Variants in DRC8 observed in about 807,000 individuals in gnomAD.
The protein encoded by DRC8 is dynein regulatory complex subunit 8.
the DRC8 span, among the ~76,000 whole-genome samples, chr1:245,047,087 C>T: frequency 6.6e-6 from 1 of 152,170 alleles, no homozygotes; most frequent in African/African-American, 2.4e-5. Context: ...TTTCATCAGC[C>T]TTCGTGAAGG....
chr1:245,083,664 C>G, the DRC8 span: 1 of 1,610,970 alleles, frequency 6.2e-7, no homozygotes, highest in Non-Finnish European at 8.5e-7. Context: ...TAAGGACGAG[C>G]TGATCAAGTA....
At chr1:245,015,189 T>G in the DRC8 span, among the ~76,000 whole-genome samples, 1 of 152,224 alleles carries the variant, frequency 6.6e-6, no homozygotes, top group African/African-American at 2.4e-5. Context: ...TGATCATGGC[T>G]CACTGCAGCC....
the DRC8 span, among the ~76,000 whole-genome samples, chr1:245,003,279 C>G: frequency 2.0e-5 from 3 of 152,180 alleles, no homozygotes; most frequent in Non-Finnish European, 4.4e-5. Flanking sequence ...CGAGTTCCCA[C>G]TTACAATACT....
At chr1:244,998,580 C>G in the DRC8 span, among the ~76,000 whole-genome samples, 2 of 152,100 alleles carry the variant, frequency 1.3e-5, no homozygotes, top group South Asian at 2.1e-4. Flanking sequence ...CCCCAATTGG[C>G]TTATCAGTCA....
At chr1:244,978,291 C>G in the DRC8 span, among the ~76,000 whole-genome samples, 1 of 152,052 alleles carries the variant, frequency 6.6e-6, no homozygotes, top group Admixed American at 6.6e-5. Context: ...GTTGGAAATT[C>G]AAGACCAGCC....
At chr1:245,009,530 C>T in the DRC8 span, among the ~76,000 whole-genome samples, 2,963 of 148,834 alleles carry the variant, frequency 0.02, 42 homozygotes, top group Middle Eastern at 0.049. Context: ...TGCGGTGGCA[C>T]GATCTCTGCT....
chr1:245,004,543 A>C, the DRC8 span, among the ~76,000 whole-genome samples: 1 of 152,062 alleles, frequency 6.6e-6, no homozygotes, highest in African/African-American at 2.4e-5. Flanking sequence ...ACACTCAGTG[A>C]ATTATATGTT....
chr1:244,970,329 G>A, the DRC8 span: 2 of 1,454,188 alleles, frequency 1.4e-6, no homozygotes. Flanking sequence ...CCTCCTCCAG[G>A]CCAGGCTCGC....
chr1:245,005,810 C>T, the DRC8 span, among the ~76,000 whole-genome samples: 8,302 of 152,004 alleles, frequency 0.055, 319 homozygotes, highest in Non-Finnish European at 0.081. Flanking sequence ...GGGTACTTAA[C>T]AAAAAAGAGA....
the DRC8 span, among the ~76,000 whole-genome samples, chr1:245,099,634 G>A: frequency 1.6e-4 from 25 of 152,342 alleles, no homozygotes; most frequent in East Asian, 4.0e-3. Flanking sequence ...ATTCTGCCCC[G>A]TTTGCAAGTG....
the DRC8 span, among the ~76,000 whole-genome samples, chr1:245,111,356 G>C: frequency 5.3e-5 from 8 of 152,174 alleles, no homozygotes; most frequent in Admixed American, 4.6e-4. Flanking sequence ...AGGGCAAAGT[G>C]TCTAGTTGTA....
At chr1:245,033,882 C>T in the DRC8 span, among the ~76,000 whole-genome samples, 19 of 151,904 alleles carry the variant, frequency 1.3e-4, no homozygotes, top group East Asian at 5.8e-4. Flanking sequence ...CCACCATGCC[C>T]GGCTAATTTT....
the DRC8 span, among the ~76,000 whole-genome samples, chr1:245,049,130 G>A: frequency 4.6e-5 from 7 of 152,150 alleles, no homozygotes; most frequent in African/African-American, 7.2e-5. This position sits in a 1 kb window ranked among gnomAD's most constrained non-coding sequence, Gnocchi z 4.5. Flanking sequence ...ACTTACAGGT[G>A]TGTACCACTA....
chr1:244,986,470 A>G, the DRC8 span, among the ~76,000 whole-genome samples: 1 of 152,208 alleles, frequency 6.6e-6, no homozygotes, highest in African/African-American at 2.4e-5. Context: ...GGCAGAGGCC[A>G]GGTCTTTGTG....
the DRC8 span, among the ~76,000 whole-genome samples, chr1:245,080,192 A>T: frequency 6.6e-6 from 1 of 152,172 alleles, no homozygotes; most frequent in African/African-American, 2.4e-5. Context: ...TCATCTGCTG[A>T]ATTGGGATCT....
the DRC8 span, among the ~76,000 whole-genome samples, chr1:245,089,753 G>A: frequency 1.3e-5 from 2 of 152,096 alleles, no homozygotes; most frequent in Non-Finnish European, 2.9e-5. This position sits in a 1 kb window ranked among gnomAD's most constrained non-coding sequence, Gnocchi z 4.8. Flanking sequence ...CAACAGGCTC[G>A]GGGAGTGATT....
chr1:245,099,468 T>A, the DRC8 span, among the ~76,000 whole-genome samples: 5 of 152,314 alleles, frequency 3.3e-5, no homozygotes, highest in African/African-American at 1.2e-4. Flanking sequence ...ACCCTTCTGA[T>A]GCTGGGACGC....
chr1:245,050,037 C>T, the DRC8 span, among the ~76,000 whole-genome samples: 41 of 152,224 alleles, frequency 2.7e-4, no homozygotes, highest in Non-Finnish European at 2.2e-4. Context: ...CTGGATTCTG[C>T]GAAGACGAAC....
At chr1:244,996,498 T>C in the DRC8 span, among the ~76,000 whole-genome samples, 1 of 152,210 alleles carries the variant, frequency 6.6e-6, no homozygotes, top group East Asian at 1.9e-4. Flanking sequence ...TCTACAACCC[T>C]GTCTTGAAGA....
Sources: gnomAD v4.1 joint callset for allele counts (sites outside exome capture counted in the v4.1 genomes callset) on GRCh38, gnomAD v4.1.1 for gene constraint, Gnocchi (gnomAD v3.1) non-coding constraint, MANE v1.5 for transcripts, NCBI Gene and HGNC (gene_info 2026-07-23, HGNC 2026-07-21) for gene names.